AFF3: variants seen among roughly 807,000 people sequenced by gnomAD.
The protein encoded by AFF3 is AF4/FMR2 family member 3.
Under a neutral mutation model 129.7 loss-of-function variants are expected in AFF3, and 32 were observed. The observed-to-expected ratio is 0.25, with a 90% CI of 0.19 to 0.33. The LOEUF (loss-of-function observed/expected upper bound fraction) is 0.33. Ranked by LOEUF, AFF3 falls within the 10% of genes least tolerant of loss-of-function variation. The probability of loss-of-function intolerance (pLI) is 1.00; values close to 1 mark genes in which losing one functional copy is unlikely to be tolerated. For synonymous variants in AFF3, 644 were observed against 635.4 expected (o/e 1.01, Z -0.20); for missense variants, 1,373 against 1,592.0 (o/e 0.86, Z 2.34).
chr2:99,906,421 C>G (rs1005314557), intron 7 of AFF3, among the ~76,000 whole-genome samples: 1 of 152,156 alleles, frequency 6.6e-6, no homozygotes, highest in Non-Finnish European at 1.5e-5. Flanking sequence ...AACCCTACCC[C>G]TATCTATCTG....
intron 7 of AFF3, among the ~76,000 whole-genome samples, chr2:99,907,680 C>G (rs185660072): frequency 1.3e-4 from 19 of 151,996 alleles, no homozygotes; most frequent in Admixed American, 1.2e-3. Flanking sequence ...ACCCTGTCAC[C>G]CAGGCTGGAG....
intron 7 of AFF3, among the ~76,000 whole-genome samples, chr2:99,883,028 T>C (rs1235056733): frequency 1.3e-5 from 2 of 152,158 alleles, no homozygotes; most frequent in African/African-American, 4.8e-5. Flanking sequence ...TGAACAATGA[T>C]AGATGTATTT....
At chr2:99,694,684 C>T (rs1249287552) in intron 11 of AFF3, among the ~76,000 whole-genome samples, 1 of 152,072 alleles carries the variant, frequency 6.6e-6, no homozygotes, top group African/African-American at 2.4e-5. Flanking sequence ...AAAACAAAAA[C>T]AAAAACAAAA....
In AFF3 at chr2:99,927,947, C is replaced by A. The variant is rs536279333; in HGVS notation, c.873+78685G>T. On this transcript the variant is annotated intron_variant, in intron 7 of 24. Transcript: ENST00000672756. ...ATCACAGGGACAGGTGTTTCCCGTGCTGTTCTCATGATAGTGCATGGGTCT... is the reference window on the plus strand; with the variant it reads ...ATCACAGGGACAGGTGTTTCCCGTGATGTTCTCATGATAGTGCATGGGTCT... Among the ~76,000 whole-genome samples, 6 of 152,194 alleles carry A rather than the reference C, an allele frequency of 3.9e-5. No individual in the cohort carries two copies. In the South Asian group the frequency reaches 1.2e-3, roughly 32 times the overall value.
At chr2:100,064,734 A>G (rs982726095) in intron 4 of AFF3, among the ~76,000 whole-genome samples, 1 of 152,248 alleles carries the variant, frequency 6.6e-6, no homozygotes, top group Non-Finnish European at 1.5e-5. Context: ...ATACATCGTC[A>G]TGCAGCGATA....
chr2:99,707,159 C>G, intron 11 of AFF3: 1 of 985,412 alleles, frequency 1.0e-6, no homozygotes, highest in Non-Finnish European at 1.2e-6. Context: ...AGTAAACTTG[C>G]CTGTAACAAC....
chr2:99,622,372 T>A (rs1389533028), intron 13 of AFF3, among the ~76,000 whole-genome samples: 1 of 152,158 alleles, frequency 6.6e-6, no homozygotes, highest in Non-Finnish European at 1.5e-5. Flanking sequence ...AGGGAAGGAA[T>A]GTCAAAGCCA....
chr2:99,590,404 C>T (rs1241493124), intron 15 of AFF3, among the ~76,000 whole-genome samples: 2 of 152,170 alleles, frequency 1.3e-5, no homozygotes, highest in African/African-American at 2.4e-5. Context: ...TGCAGCATCA[C>T]AAATTCAAAG....
intron 7 of AFF3, among the ~76,000 whole-genome samples, chr2:99,912,784 C>G (rs371321564): frequency 4.9e-4 from 74 of 152,242 alleles, no homozygotes; most frequent in African/African-American, 1.7e-3. Context: ...AATTGCATAT[C>G]CATGAGCAAA....
In AFF3 at chr2:99,749,572, T is replaced by C. The variant is rs2105184105; in HGVS notation, c.1002+2649A>G. Among the ~76,000 whole-genome samples, 2 of 152,342 alleles carry C rather than the reference T, an allele frequency of 1.3e-5. 1 individual carries two copies. The highest frequency in any genetic ancestry group is 3.9e-4 in the East Asian group (2 of 5,180). On this transcript the variant is annotated intron_variant, in intron 9 of 24. Transcript: ENST00000672756. The stretch of plus-strand genomic sequence containing the variant: ...TTACGTGCAAAGATTCTAAGCATTG[T>C]GCATTTTATTCTAAGGATGGCAGGG...
At chr2:99,601,939 G>T (rs1679877699) in intron 13 of AFF3, among the ~76,000 whole-genome samples, 1 of 152,170 alleles carries the variant, frequency 6.6e-6, no homozygotes, top group African/African-American at 2.4e-5. Flanking sequence ...CTGCTGTTCT[G>T]GGAATGGCTT....
intron 4 of AFF3, among the ~76,000 whole-genome samples, chr2:100,079,071 C>T (rs1325814989): frequency 6.6e-6 from 1 of 151,754 alleles, no homozygotes; most frequent in African/African-American, 2.4e-5. Context: ...CTCAGCCTCC[C>T]GAGTAGCTGA....
At chr2:99,651,710 G>C (rs1367169225) in intron 12 of AFF3, among the ~76,000 whole-genome samples, 2 of 152,028 alleles carry the variant, frequency 1.3e-5, no homozygotes, top group Non-Finnish European at 2.9e-5. Flanking sequence ...TCAAAGTGTT[G>C]GGATTACAGG....
chr2:99,870,037 T>C (rs1446530733), intron 7 of AFF3, among the ~76,000 whole-genome samples: 3 of 152,196 alleles, frequency 2.0e-5, no homozygotes, highest in East Asian at 3.9e-4. Flanking sequence ...TAAGTTTCTA[T>C]GAAAATGAAT....
chr2:99,608,192 C>T (rs186549110), intron 13 of AFF3, among the ~76,000 whole-genome samples: 1 of 152,166 alleles, frequency 6.6e-6, no homozygotes, highest in Non-Finnish European at 1.5e-5. Flanking sequence ...AGCAGGGTGC[C>T]CTTGCATATG....
At chr2:99,758,190 A>G (rs544554440) in intron 8 of AFF3, among the ~76,000 whole-genome samples, 9 of 152,318 alleles carry the variant, frequency 5.9e-5, no homozygotes, top group African/African-American at 2.2e-4. Context: ...GTACTCTTAT[A>G]GCATCCTGAT....
At chr2:99,880,372 CT>C (rs1000251434) in intron 7 of AFF3, among the ~76,000 whole-genome samples, 1 of 152,192 alleles carries the variant, frequency 6.6e-6, no homozygotes, top group Admixed American at 6.5e-5. Flanking sequence ...CCTGAGGCCT[CT>C]GATTCAGCGG....
Position 99,590,953 on chromosome 2 carries a change from G to A in AFF3, c.2466+2242C>T, listed in dbSNP as rs375247199. ...GGTTGTGGTGAGCCAAGATGGTGGAGCATCATTGCACTCCAGCCTGGGCAA... is the reference window on the plus strand; with the variant it reads ...GGTTGTGGTGAGCCAAGATGGTGGAACATCATTGCACTCCAGCCTGGGCAA... On this transcript the variant is annotated intron_variant, in intron 15 of 24. Coordinates refer to ENST00000672756, the MANE Select transcript of AFF3 (RefSeq NM_001386135.1). Among the ~76,000 whole-genome samples the A allele has an allele frequency of 9.3e-5, 14 of 150,076 alleles. No individual in the cohort carries two copies. In the South Asian group the frequency reaches 1.3e-3, roughly 14 times the overall value.
At chr2:100,105,879 C>T (rs777671014) in intron 2 of AFF3, 31 of 1,332,640 alleles carry the variant, frequency 2.3e-5, no homozygotes, top group Non-Finnish European at 9.0e-6. Flanking sequence ...AACCAAACCT[C>T]GCACTCCCCG....
Sources: allele counts gnomAD v4.1 joint callset (sites outside exome capture counted in the v4.1 genomes callset), GRCh38; gene constraint gnomAD v4.1.1; transcripts MANE v1.5; gene names NCBI Gene and HGNC (gene_info 2026-07-23, HGNC 2026-07-21).